Variants in CNTN5 observed in about 807,000 individuals in gnomAD.
The protein encoded by CNTN5 is contactin 5, also known as contactin-5.
CNTN5 carries 77 observed loss-of-function variants against 129.1 expected under a neutral mutation model. The ratio of observed to expected loss-of-function variants is 0.60; its 90% CI spans 0.50 to 0.72. The LOEUF (loss-of-function observed/expected upper bound fraction) is 0.72, where lower values mean the gene tolerates loss of function less well. Ranked by LOEUF, CNTN5 falls within the 30% of genes least tolerant of loss-of-function variation. CNTN5 has a pLI of 0.00. For missense variants in CNTN5, 1,478 were observed against 1,328.8 expected, an observed-to-expected ratio of 1.11 and a Z score of -1.75; for synonymous variants, 509 against 465.6, an observed-to-expected ratio of 1.09 and a Z score of -1.20.
intron 6 of CNTN5, among the ~76,000 whole-genome samples, chr11:99,853,979 A>G (rs1185844222): frequency 1.3e-5 from 2 of 152,182 alleles, no homozygotes; most frequent in Non-Finnish European, 2.9e-5. Context: ...AACTCAAAAC[A>G]TACTTTGCAT....
chr11:100,331,366 A>G (rs892510252), intron 21 of CNTN5, among the ~76,000 whole-genome samples: 11 of 152,180 alleles, frequency 7.2e-5, no homozygotes, highest in South Asian at 2.1e-4. Flanking sequence ...AATGAGATAC[A>G]TGACAACACA....
intron 1 of CNTN5, among the ~76,000 whole-genome samples, chr11:99,058,785 G>A (rs999279430): frequency 2.6e-5 from 4 of 151,684 alleles, no homozygotes; most frequent in Admixed American, 6.6e-5. Context: ...AGCAGGAGGC[G>A]AGGAAAAATG....
chr11:99,229,105 C>G (rs945209295), intron 1 of CNTN5, among the ~76,000 whole-genome samples: 1 of 151,920 alleles, frequency 6.6e-6, no homozygotes, highest in Non-Finnish European at 1.5e-5. Context: ...CGTTCTTCCA[C>G]GTATGAAGTG....
intron 3 of CNTN5, among the ~76,000 whole-genome samples, chr11:99,673,450 T>C (rs537970789): frequency 6.6e-6 from 1 of 152,280 alleles, no homozygotes; most frequent in Non-Finnish European, 1.5e-5. Flanking sequence ...TTTCTCCTTT[T>C]TTAAGTTCAG....
intron 1 of CNTN5, among the ~76,000 whole-genome samples, chr11:99,132,958 AG>A (rs1225936284): frequency 1.3e-5 from 2 of 152,216 alleles, no homozygotes; most frequent in African/African-American, 2.4e-5. Flanking sequence ...GACAGTCCTA[AG>A]CAAAAAGAAC....
At chr11:99,586,835 A>G (rs983341592) in intron 3 of CNTN5, among the ~76,000 whole-genome samples, 3 of 152,214 alleles carry the variant, frequency 2.0e-5, no homozygotes, top group Admixed American at 6.5e-5. Flanking sequence ...ACAAGACATA[A>G]TATTTTAACA....
intron 2 of CNTN5, among the ~76,000 whole-genome samples, chr11:99,510,738 T>C (rs908829660): frequency 2.0e-5 from 3 of 152,202 alleles, no homozygotes; most frequent in Non-Finnish European, 4.4e-5. Flanking sequence ...ACTATTGGAC[T>C]GCCAGTTACA....
At chr11:99,436,001 A>G (rs1346130185) in intron 2 of CNTN5, among the ~76,000 whole-genome samples, 1 of 152,160 alleles carries the variant, frequency 6.6e-6, no homozygotes, top group East Asian at 1.9e-4. Flanking sequence ...ATTTTATCAA[A>G]TTTTCATAGA....
intron 2 of CNTN5, among the ~76,000 whole-genome samples, chr11:99,361,768 C>T (rs945963708): frequency 6.7e-6 from 1 of 148,774 alleles, no homozygotes; most frequent in Non-Finnish European, 1.5e-5. Flanking sequence ...GCTTATTTCA[C>T]TTAGTGTAAT....
At position 99,956,811 on chromosome 11, in the gene CNTN5, A is replaced by C. The variant is rs771277271; in HGVS notation, c.679A>C (p.Ile227Leu). The C allele has an allele frequency of 3.7e-5, 60 of 1,613,554 alleles. No individual in the cohort carries two copies. In the East Asian group the frequency reaches 1.3e-3, roughly 36 times the overall value. ...CSPPPHSPEI[I>L]YSWVFNEFPS... ...CAAATTTTGTGTATTTTCAGAGATCATCTATAGCTGGGTATTTAATGAGTT... is the reference window on the plus strand; with the variant it reads ...CAAATTTTGTGTATTTTCAGAGATCCTCTATAGCTGGGTATTTAATGAGTT... The change falls in exon 8 of 25, where the codon ATC (isoleucine) becomes CTC (leucine). Residue 227 changes from isoleucine to leucine, a missense_variant. By Grantham distance (5) the Ile-to-Leu change is conservative (BLOSUM62 2). Coordinates refer to ENST00000524871, the MANE Select transcript of CNTN5 (RefSeq NM_014361.4).
intron 1 of CNTN5, among the ~76,000 whole-genome samples, chr11:99,261,463 T>C (rs4754597): frequency 0.77 from 117,195 of 151,866 alleles, 45,363 homozygotes; most frequent in East Asian, 0.95. Context: ...GAATGTGTTT[T>C]GTTTATCTAT....
intron 3 of CNTN5, among the ~76,000 whole-genome samples, chr11:99,575,152 G>T (rs1278562828): frequency 6.6e-6 from 1 of 152,182 alleles, no homozygotes; most frequent in Non-Finnish European, 1.5e-5. Flanking sequence ...GGGAACAACA[G>T]ACCTTAAGTA....
At chr11:99,209,832 T>C (rs1859676922) in intron 1 of CNTN5, among the ~76,000 whole-genome samples, 1 of 152,142 alleles carries the variant, frequency 6.6e-6, no homozygotes, top group Non-Finnish European at 1.5e-5. Flanking sequence ...ACTTCGGACT[T>C]AGTGCTTCCA....
At chr11:99,440,721 T>C (rs902990869) in intron 2 of CNTN5, among the ~76,000 whole-genome samples, 1 of 152,158 alleles carries the variant, frequency 6.6e-6, no homozygotes, top group African/African-American at 2.4e-5. Flanking sequence ...ATTGATGATC[T>C]TAAAATGTCA....
At chr11:99,719,623 A>G (rs1352431386) in intron 3 of CNTN5, among the ~76,000 whole-genome samples, 2 of 152,062 alleles carry the variant, frequency 1.3e-5, no homozygotes, top group East Asian at 1.9e-4. Flanking sequence ...TAACTTCACA[A>G]CTGAAAGAAT....
At chr11:99,316,281 C>A (rs750272437) in intron 1 of CNTN5, among the ~76,000 whole-genome samples, 7 of 152,148 alleles carry the variant, frequency 4.6e-5, no homozygotes, top group Non-Finnish European at 1.0e-4. Flanking sequence ...ATTCAAATCC[C>A]TCGAGTCCCA....
At chr11:99,176,184 C>G (rs527388745) in intron 1 of CNTN5, among the ~76,000 whole-genome samples, 1 of 152,096 alleles carries the variant, frequency 6.6e-6, no homozygotes, top group African/African-American at 2.4e-5. Context: ...ATCACTTTGT[C>G]GTGTTTCTTT....
At chr11:100,157,237 T>C (rs955702497) in intron 13 of CNTN5, among the ~76,000 whole-genome samples, 1 of 152,008 alleles carries the variant, frequency 6.6e-6, no homozygotes, top group African/African-American at 2.4e-5. Flanking sequence ...AAAAATCACA[T>C]ACAATTGCAC....
chr11:99,843,179 G>A (rs969902921), intron 4 of CNTN5, among the ~76,000 whole-genome samples: 5 of 152,140 alleles, frequency 3.3e-5, no homozygotes, highest in African/African-American at 7.2e-5. Context: ...AGCCAAGATC[G>A]TGCCACTGCT....
Sources: allele counts gnomAD v4.1 joint callset (sites outside exome capture counted in the v4.1 genomes callset), GRCh38; gene constraint gnomAD v4.1.1; transcripts MANE v1.5; gene names NCBI Gene and HGNC (gene_info 2026-07-23, HGNC 2026-07-21).